USP53: variants seen among roughly 807,000 people sequenced by gnomAD.
USP53 encodes ubiquitin carboxyl-terminal hydrolase 53.
Under a neutral mutation model 94.9 loss-of-function variants are expected in USP53, and 71 were observed. The observed-to-expected ratio is 0.75, with a 90% CI of 0.62 to 0.91. The LOEUF is 0.91. Among genes scored for constraint, USP53 ranks in the 40% least tolerant of loss-of-function variants. The pLI is 0.00. For synonymous variants in USP53, 375 were observed against 422.7 expected, an observed-to-expected ratio of 0.89 and a Z score of 1.39; for missense variants, 1,173 against 1,281.0, an observed-to-expected ratio of 0.92 and a Z score of 1.29.
At chr4:119,235,569 TGCCCA>T (rs1169309546) in intron 4 of USP53, among the ~76,000 whole-genome samples, 158 bp downstream of exon 4, 2 of 152,204 alleles carry the variant, frequency 1.3e-5, no homozygotes, top group Non-Finnish European at 2.9e-5. Context: ...TGGACCACCC[TGCCCA>T]GCCATCACCC....
chr4:119,272,376 T>C (rs554010240), intron 16 of USP53: 2 of 179,914 alleles, frequency 1.1e-5, no homozygotes, highest in Admixed American at 5.6e-5. Flanking sequence ...CAGACTTCAA[T>C]TGGTATCATC....
Position 119,245,361 on chromosome 4 carries a change from C to A in USP53, c.169C>A (p.Arg57=). 1.2e-6 allele frequency: 2 copies of A among 1,613,718 alleles called. No homozygotes were observed. The highest frequency in any genetic ancestry group is 1.7e-6 in the Non-Finnish European group (2 of 1,179,824). The change falls in exon 6 of 19, where the codon CGA becomes AGA. Residue 57 remains arginine (R), a synonymous_variant. Transcript: ENST00000692078. ...VQVLWQLDIF[R]RSLRVLTGHV... is the part of the protein sequence containing the mutation. The stretch of plus-strand genomic sequence containing the variant: ...GGTTTTATGGCAATTGGATATATTC[C>A]GACGAAGCTTGCGGGTTTTGACTGG...
chr4:119,258,895 T>C (rs1222760597), intron 9 of USP53, among the ~76,000 whole-genome samples: 1 of 152,218 alleles, frequency 6.6e-6, no homozygotes, highest in Non-Finnish European at 1.5e-5. Flanking sequence ...AATACCCTGA[T>C]ACATAAAAAT....
chr4:119,292,377 A>G lies in USP53; in HGVS notation c.2388A>G (p.Ser796=), dbSNP rs745899292. Reference sequence around the variant, plus strand: ...AAGACAATGGAAAGTTATTTCCTTCATCCAGTCTACAAATACCCAAGGACC... The same window carrying G: ...AAGACAATGGAAAGTTATTTCCTTCGTCCAGTCTACAAATACCCAAGGACC... ...VHEDNGKLFP[S]SSLQIPKDHN... The change falls in exon 19 of 19, where the codon TCA becomes TCG. Residue 796 remains serine, a synonymous_variant. Coordinates refer to ENST00000692078, the MANE Select transcript of USP53 (RefSeq NM_001371395.1). The G allele has an allele frequency of 1.4e-4, 221 of 1,609,658 alleles. 1 individual carries two copies. The Admixed American group carries it at 3.2e-3, about 23-fold the overall frequency.
At chr4:119,259,320 A>G (rs1288411582) in intron 9 of USP53, among the ~76,000 whole-genome samples, 1 of 151,712 alleles carries the variant, frequency 6.6e-6, no homozygotes, top group Non-Finnish European at 1.5e-5. Context: ...ATTCAAAATA[A>G]GAACAAAAGG....
Position 119,269,744 on chromosome 4 carries a change from T to A in USP53, c.1342T>A (p.Cys448Ser), listed in dbSNP as rs746573833. The A allele has an allele frequency of 6.6e-7, 1 of 1,507,346 alleles. No individual in the cohort carries two copies. Among genetic ancestry groups the A allele is most frequent in the Non-Finnish European group, 8.8e-7 (1 of 1,130,252 alleles). 93.4% of individuals were successfully genotyped at this position (1,507,346 alleles called of 1,614,324 possible). A position where few individuals can be genotyped will look rare whatever the true frequency, so the allele number is the denominator to read the frequency against. Residue 448 changes from cysteine to serine, a missense_variant, in exon 15 of 19, where the codon TGT becomes AGT. Cys to Ser is a moderately radical substitution (Grantham distance 112). Transcript: ENST00000692078. ...AAAGATAAAAGACATTTCCAGAGAA[T>A]GTGCTCTGAAAGCTATTGAACAGAA... The part of the protein sequence containing the change: ...REKIKDISRE[C>S]ALKAIEQKNL...
intron 3 of USP53, chr4:119,221,476 A>C (rs1443365705): frequency 6.6e-6 from 1 of 152,104 alleles, no homozygotes; most frequent in East Asian, 1.9e-4. Flanking sequence ...AAAATTTAAT[A>C]TAAGAAAAAA....
At chr4:119,274,056 G>T (rs1397660922) in intron 17 of USP53, among the ~76,000 whole-genome samples, 10 of 139,156 alleles carry the variant, frequency 7.2e-5, no homozygotes, top group African/African-American at 1.1e-4. Flanking sequence ...TTTTTTTCTT[G>T]GTCCTCTTGT....
Position 119,271,885 on chromosome 4 carries a change from T to C in USP53, c.2025T>C (p.His675=). 1 of 1,614,088 alleles carries C rather than the reference T, an allele frequency of 6.2e-7. No individual in the cohort carries two copies. Residue 675 remains histidine, a synonymous_variant, in exon 16 of 19, where the codon CAT becomes CAC. Coordinates refer to ENST00000692078, the MANE Select transcript of USP53 (RefSeq NM_001371395.1). ...AAGGCCTTGTAGAGGGTAAAGTGCATGGTGATAATTGGCAGATGCAAAGGA... is the reference window on the plus strand; with the variant it reads ...AAGGCCTTGTAGAGGGTAAAGTGCACGGTGATAATTGGCAGATGCAAAGGA... ...KNKGLVEGKV[H]GDNWQMQRTE... is the part of the protein sequence containing the mutation.
At chr4:119,257,216 TGGATCACCTGA>T (rs1414200545) in intron 9 of USP53, among the ~76,000 whole-genome samples, 1 of 152,110 alleles carries the variant, frequency 6.6e-6, no homozygotes, top group African/African-American at 2.4e-5. Context: ...CCAAGGCAGG[TGGATCACCTGA>T]GGTCAGGAGT....
At chr4:119,255,564 G>A (rs758935609) in intron 7 of USP53, among the ~76,000 whole-genome samples, 4 of 152,228 alleles carry the variant, frequency 2.6e-5, no homozygotes, top group Non-Finnish European at 5.9e-5. Context: ...CCAGGCACGG[G>A]AGGGGAACTC....
intron 7 of USP53, among the ~76,000 whole-genome samples, chr4:119,253,592 T>C (rs868815262): frequency 1.4e-4 from 22 of 152,190 alleles, no homozygotes; most frequent in African/African-American, 5.3e-4. Context: ...TCCATCCCTT[T>C]ATTTTGAGTC....
chr4:119,263,219 T>C (rs1355275945), intron 12 of USP53, among the ~76,000 whole-genome samples: 1 of 152,198 alleles, frequency 6.6e-6, no homozygotes, highest in African/African-American at 2.4e-5. Context: ...AACTAGGACA[T>C]AGGTGAAACA....
intron 1 of USP53, among the ~76,000 whole-genome samples, chr4:119,213,660 A>ATATATATGTGTGTGTGTGTGTG: frequency 8.5e-6 from 1 of 117,790 alleles, no homozygotes; most frequent in Non-Finnish European, 1.7e-5. Context: ...ATATATATAT[A>ATATATATGTGTGTGTGTGTGTG]TGTGTGTGTG....
At chr4:119,217,462 T>C (rs1743959721) in intron 2 of USP53, 88 bp from the exon 3 acceptor site, 1 of 152,088 alleles carries the variant, frequency 6.6e-6, no homozygotes, top group African/African-American at 2.4e-5. Context: ...TTCCAAAGGG[T>C]TTGTTGTTTG....
Position 119,261,819 on chromosome 4 carries a change from CA to C in USP53, c.931del (p.Ser311ValfsTer12). On this transcript the variant is annotated frameshift_variant, in exon 12 of 19. Coordinates refer to ENST00000692078, the MANE Select transcript of USP53 (RefSeq NM_001371395.1). LOFTEE classifies it high-confidence loss of function. ...ATTATTGTGCCTTTGCATTTCACAC[CA>C]AAAGTTCCAAATGGGTATTTTTTGA... is the stretch of plus-strand genomic sequence containing the variant. ...QHYCAFAFHT[K>X]SSKWVFFDDA... 1.3e-6 allele frequency: 2 copies of C among 1,509,094 alleles called. No homozygotes were observed. Among genetic ancestry groups the C allele is most frequent in the East Asian group, 2.3e-5 (1 of 42,686 alleles). The allele number at this position is 1,509,094 out of a possible 1,614,324, so 93.5% of individuals were successfully genotyped here. A position where few individuals can be genotyped will look rare whatever the true frequency, so the allele number is the denominator to read the frequency against.
chr4:119,259,847 G>A lies in USP53; in HGVS notation c.597G>A (p.Arg199=), dbSNP rs759843308. ...ATGAGGTTGAAAGAATGTTGGAAAGGCATGAACGCTTTAAACCTGAAATGT... is the reference window on the plus strand; with the variant it reads ...ATGAGGTTGAAAGAATGTTGGAAAGACATGAACGCTTTAAACCTGAAATGT... ...LCNEVERMLE[R]HERFKPEMFA... is the part of the protein sequence containing the mutation. The change falls in exon 10 of 19, where the codon AGG becomes AGA. Residue 199 remains arginine, a synonymous_variant. Transcript: ENST00000692078. 1.9e-6 allele frequency: 3 copies of A among 1,611,894 alleles called. No individual in the cohort carries two copies. The highest frequency in any genetic ancestry group is 2.5e-6 in the Non-Finnish European group (3 of 1,178,902).
intron 4 of USP53, among the ~76,000 whole-genome samples, chr4:119,235,702 A>C (rs1029611948): frequency 2.0e-5 from 3 of 151,926 alleles, no homozygotes; most frequent in African/African-American, 7.3e-5. Flanking sequence ...TTATATTACT[A>C]TTTCTCCGCT....
At chr4:119,216,216 C>G (rs752199865) in intron 2 of USP53, among the ~76,000 whole-genome samples, 2 of 151,860 alleles carry the variant, frequency 1.3e-5, no homozygotes, top group Non-Finnish European at 2.9e-5. Context: ...CCTATCTGTA[C>G]TAAAAAATAC....
Sources: allele counts gnomAD v4.1 joint callset (sites outside exome capture counted in the v4.1 genomes callset), GRCh38; gene constraint gnomAD v4.1.1; transcripts MANE v1.5; gene names NCBI Gene and HGNC (gene_info 2026-07-23, HGNC 2026-07-21).